Variants in DSCC1 observed in about 807,000 individuals in gnomAD.
DSCC1 encodes sister chromatid cohesion protein DCC1.
Under a neutral mutation model 48.2 loss-of-function variants are expected in DSCC1, and 32 were observed. The observed-to-expected ratio is 0.66, with a 90% CI of 0.50 to 0.89. The LOEUF (loss-of-function observed/expected upper bound fraction) is 0.89, where lower values mean the gene tolerates loss of function less well. Ranked by LOEUF, DSCC1 falls within the 40% of genes least tolerant of loss-of-function variation. DSCC1 has a pLI of 0.00. For missense variants in DSCC1, 421 were observed against 471.7 expected (o/e 0.89, Z 1.00); for synonymous variants, 150 against 171.5 (o/e 0.87, Z 0.98).
chr8:119,837,078 G>A (rs1331026233), intron 8 of DSCC1, among the ~76,000 whole-genome samples: 1 of 151,348 alleles, frequency 6.6e-6, no homozygotes, highest in African/African-American at 2.5e-5. Context: ...AGCATAGAGT[G>A]AGTATAGGAA....
At chr8:119,849,171 C>T (rs1284370081) in intron 3 of DSCC1, among the ~76,000 whole-genome samples, 1 of 96,802 alleles carries the variant, frequency 1.0e-5, no homozygotes, top group East Asian at 3.2e-4. Flanking sequence ...GGCGACAGAG[C>T]GAGACTCCCT....
intron 4 of DSCC1, among the ~76,000 whole-genome samples, chr8:119,844,528 T>TC (rs1476560549): frequency 2.0e-5 from 3 of 151,442 alleles, no homozygotes; most frequent in African/African-American, 7.3e-5. Context: ...TTCAGGGAGA[T>TC]CAAGTTGTTT....
intron 6 of DSCC1, 49 bp downstream of exon 6, chr8:119,842,727 G>T (rs747909200): frequency 1.3e-6 from 2 of 1,529,928 alleles, no homozygotes; most frequent in East Asian, 2.3e-5. Context: ...AGAAAGGTAT[G>T]CCAGTTTTAA....
chr8:119,842,114 C>G (rs1286599680), intron 6 of DSCC1, among the ~76,000 whole-genome samples, 166 bp from the exon 7 acceptor site: 3 of 151,880 alleles, frequency 2.0e-5, no homozygotes, highest in Admixed American at 6.6e-5. Flanking sequence ...CGCTCTGTCA[C>G]CCAGGCTGGC....
intron 3 of DSCC1, among the ~76,000 whole-genome samples, chr8:119,850,162 AAG>A (rs555202021): frequency 6.6e-6 from 1 of 152,332 alleles, no homozygotes; most frequent in Non-Finnish European, 1.5e-5. Flanking sequence ...GGATAGAAGA[AAG>A]AAGACTGACA....
At chr8:119,851,349 G>A (rs1435648289) in intron 2 of DSCC1, among the ~76,000 whole-genome samples, 1 of 152,198 alleles carries the variant, frequency 6.6e-6, no homozygotes, top group Non-Finnish European at 1.5e-5. Flanking sequence ...GCTTCCCAAA[G>A]AAGAGCTTAA....
At position 119,855,831 on chromosome 8, in the gene DSCC1, G is replaced by A. The variant is rs974195937; in HGVS notation, c.-36C>T. On this transcript the variant is annotated 5_prime_UTR_variant, in exon 1 of 9. Coordinates refer to ENST00000313655, the MANE Select transcript of DSCC1 (RefSeq NM_024094.3). ...GGTCTAGGAGTCCCGCCGCGCCCGGGTGGCTGCGGGCTTGGCGGGCAAGAA... is the reference window on the plus strand; with the variant it reads ...GGTCTAGGAGTCCCGCCGCGCCCGGATGGCTGCGGGCTTGGCGGGCAAGAA... 12 of 1,424,270 alleles carry A rather than the reference G, an allele frequency of 8.4e-6. No homozygotes were observed. The highest frequency in any genetic ancestry group is 1.0e-5 in the Non-Finnish European group (11 of 1,089,004). The allele number at this position is 1,424,270 out of a possible 1,614,324, so 88.2% of individuals were successfully genotyped here. A position where few individuals can be genotyped will look rare whatever the true frequency, so the allele number is the denominator to read the frequency against.
chr8:119,846,271 G>A (rs1164967679), intron 4 of DSCC1, among the ~76,000 whole-genome samples: 10 of 151,906 alleles, frequency 6.6e-5, no homozygotes, highest in East Asian at 2.0e-4. Context: ...CCACCACCAC[G>A]CCTGGTTGAT....
chr8:119,845,626 T>C (rs1194407789), intron 4 of DSCC1, among the ~76,000 whole-genome samples: 3 of 150,402 alleles, frequency 2.0e-5, no homozygotes, highest in Admixed American at 6.6e-5. Flanking sequence ...TGCATTAAAA[T>C]GCATGGTTTC....
intron 1 of DSCC1, among the ~76,000 whole-genome samples, chr8:119,855,185 A>G (rs528218647): frequency 6.6e-6 from 1 of 152,340 alleles, no homozygotes; most frequent in East Asian, 1.9e-4. Flanking sequence ...CCCAATTACC[A>G]AGTCTGTAAG....
intron 2 of DSCC1, chr8:119,852,699 C>T (rs545077126): frequency 6.0e-6 from 1 of 166,334 alleles, no homozygotes; most frequent in South Asian, 1.7e-4. Context: ...CCAAATGAAC[C>T]AGTTACGGTC....
chr8:119,849,498 C>T (rs547262056), intron 3 of DSCC1, among the ~76,000 whole-genome samples: 1 of 152,262 alleles, frequency 6.6e-6, no homozygotes, highest in African/African-American at 2.4e-5. Context: ...TCAGAAAAGG[C>T]CACATATTAT....
At chr8:119,842,109 T>C (rs942762450) in intron 6 of DSCC1, among the ~76,000 whole-genome samples, 161 bp from the exon 7 acceptor site, 2 of 151,980 alleles carry the variant, frequency 1.3e-5, no homozygotes, top group African/African-American at 4.8e-5. Flanking sequence ...AGTCTCGCTC[T>C]GTCACCCAGG....
chr8:119,850,390 T>C lies in DSCC1; in HGVS notation c.478A>G (p.Ser160Gly), dbSNP rs773906992. 1 of 1,566,162 alleles carries C rather than the reference T, an allele frequency of 6.4e-7. No individual in the cohort carries two copies. Among genetic ancestry groups the C allele is most frequent in the Admixed American group, 2.2e-5 (1 of 46,156 alleles). Residue 160 changes from serine to glycine, a missense_variant, in exon 3 of 9, where the codon AGC (serine) becomes GGC (glycine). Coordinates refer to ENST00000313655, the MANE Select transcript of DSCC1 (RefSeq NM_024094.3). Reference protein sequence around the residue: ...PDSQKEKDSNSSKYTTEDLLD... With the variant: ...PDSQKEKDSNGSKYTTEDLLD... ...GTGAAAATAAGTCTTACTTTTGAGC[T>C]ATTTGAATCCTTCTCTTTTTGACTG...
At chr8:119,842,893 AT>A (rs1316279607) in intron 5 of DSCC1, 65 bp from the exon 6 acceptor site, 24 of 1,300,224 alleles carry the variant, frequency 1.8e-5, no homozygotes, top group Non-Finnish European at 2.3e-5. Flanking sequence ...TTTTAACCCC[AT>A]TGCCAACTCA....
intron 7 of DSCC1, among the ~76,000 whole-genome samples, chr8:119,841,529 A>T (rs116115333): frequency 0.015 from 2,282 of 152,274 alleles, 60 homozygotes; most frequent in African/African-American, 0.053. Flanking sequence ...TGTAGAGGTG[A>T]TAGATATGTT....
intron 8 of DSCC1, among the ~76,000 whole-genome samples, chr8:119,837,286 A>G (rs1826699444): frequency 6.6e-6 from 1 of 152,214 alleles, no homozygotes; most frequent in South Asian, 2.1e-4. Flanking sequence ...CAGAGGAGAT[A>G]GACCTAGTGC....
At chr8:119,844,706 G>C (rs1194285433) in intron 4 of DSCC1, among the ~76,000 whole-genome samples, 2 of 151,800 alleles carry the variant, frequency 1.3e-5, no homozygotes, top group Middle Eastern at 3.4e-3. Flanking sequence ...ACATACCATG[G>C]CACCCCCTCT....
chr8:119,838,249 A>T lies in DSCC1; in HGVS notation c.1073+10T>A, dbSNP rs1191700680. The T allele has an allele frequency of 1.3e-6, 2 of 1,544,224 alleles. No individual in the cohort carries two copies. The highest frequency in any genetic ancestry group is 2.6e-5 in the South Asian group (2 of 76,954). ...CGACCCTCAAAATCCGTCTTTAATA[A>T]ATTACTTACTGAATATATGGAGCAA... On this transcript the variant is annotated intron_variant, in intron 8 of 8. Coordinates refer to ENST00000313655, the MANE Select transcript of DSCC1 (RefSeq NM_024094.3).
Sources: gnomAD v4.1 joint callset for allele counts (sites outside exome capture counted in the v4.1 genomes callset) on GRCh38, gnomAD v4.1.1 for gene constraint, MANE v1.5 for transcripts, NCBI Gene and HGNC (gene_info 2026-07-23, HGNC 2026-07-21) for gene names.